NCKAP5: variants seen among roughly 807,000 people sequenced by gnomAD.
NCKAP5 encodes the protein nck-associated protein 5.
Under a neutral mutation model 167.0 loss-of-function variants are expected in NCKAP5, and 92 were observed. The ratio of observed to expected loss-of-function variants is 0.55; its 90% CI spans 0.47 to 0.66. NCKAP5 has a LOEUF of 0.66. Among genes scored for constraint, NCKAP5 ranks in the 30% least tolerant of loss-of-function variants. NCKAP5 has a pLI of 0.00. For synonymous variants in NCKAP5, 891 were observed against 877.4 expected (o/e 1.02, Z -0.27); for missense variants, 2,378 against 2,315.0 (o/e 1.03, Z -0.56).
chr2:133,644,693 C>G, the NCKAP5 span, among the ~76,000 whole-genome samples: 1 of 152,202 alleles, frequency 6.6e-6, no homozygotes, highest in African/African-American at 2.4e-5. Flanking sequence ...GGATGCACAT[C>G]TAGTCCCCTT....
In NCKAP5 at chr2:133,005,546, C is replaced by A. The variant is rs914823568; in HGVS notation, c.342-11307G>T. ...AGGTCTTCAAAATAATAAAATTCCA[C>A]AAATACATGGAGCATTAGGTCTGCT... is the stretch of plus-strand genomic sequence containing the variant. On this transcript the variant is annotated intron_variant, in intron 6 of 19. Coordinates refer to ENST00000409261, the MANE Select transcript of NCKAP5 (RefSeq NM_207363.3). Among the ~76,000 whole-genome samples, 8 of 152,196 alleles carry A rather than the reference C, an allele frequency of 5.3e-5. 1 individual carries two copies. The South Asian group carries it at 1.2e-3, about 24-fold the overall frequency.
chr2:133,642,130 GAGAGAAACTGAGAA>G, the NCKAP5 span, among the ~76,000 whole-genome samples: 1 of 152,160 alleles, frequency 6.6e-6, no homozygotes, highest in South Asian at 2.1e-4. Flanking sequence ...GGACGCAAGA[GAGAGAAACTGAGAA>G]AGCCAGATTC....
chr2:132,710,227 A>T (rs571865028), intron 19 of NCKAP5, among the ~76,000 whole-genome samples: 11 of 152,346 alleles, frequency 7.2e-5, no homozygotes, highest in Admixed American at 7.2e-4. Flanking sequence ...CAACTTCCAC[A>T]ACCTGATTAA....
chr2:133,239,460 G>A (rs1260561763), intron 4 of NCKAP5, among the ~76,000 whole-genome samples: 1 of 152,246 alleles, frequency 6.6e-6, no homozygotes, highest in African/African-American at 2.4e-5. Context: ...GCAAATCAAG[G>A]AAACTCTATT....
chr2:133,333,573 A>C (rs968199036), intron 3 of NCKAP5, among the ~76,000 whole-genome samples: 1 of 152,294 alleles, frequency 6.6e-6, no homozygotes, highest in Non-Finnish European at 1.5e-5. Context: ...ACACTCTGTC[A>C]CCTTGTCAGC....
chr2:133,437,392 G>C (rs1367042395), intron 3 of NCKAP5, among the ~76,000 whole-genome samples: 1 of 151,958 alleles, frequency 6.6e-6, no homozygotes, highest in Non-Finnish European at 1.5e-5. Flanking sequence ...TATTTACCTG[G>C]GAAACTATCC....
At chr2:132,805,726 CATT>C (rs1685381049) in intron 11 of NCKAP5, among the ~76,000 whole-genome samples, 1 of 150,098 alleles carries the variant, frequency 6.7e-6, no homozygotes, top group Non-Finnish European at 1.5e-5. Context: ...TAAGTGTTTA[CATT>C]ATTATTATTT....
chr2:133,610,528 G>A, the NCKAP5 span, among the ~76,000 whole-genome samples: 20 of 152,150 alleles, frequency 1.3e-4, no homozygotes, highest in Admixed American at 6.5e-4. Context: ...CTAAGAAGGG[G>A]TGTTCCCTCC....
At chr2:133,400,378 T>G (rs1688020505) in intron 3 of NCKAP5, among the ~76,000 whole-genome samples, 1 of 152,040 alleles carries the variant, frequency 6.6e-6, no homozygotes, top group Non-Finnish European at 1.5e-5. Flanking sequence ...AGGATGTAAT[T>G]GTGTTAAGGA....
intron 6 of NCKAP5, among the ~76,000 whole-genome samples, chr2:133,030,478 C>T (rs1441284338): frequency 1.3e-5 from 2 of 152,216 alleles, no homozygotes; most frequent in African/African-American, 4.8e-5. Context: ...TAGATATCTC[C>T]ATATTTTTAA....
At chr2:132,683,999 G>A (rs949632391) in intron 19 of NCKAP5, among the ~76,000 whole-genome samples, 2 of 152,204 alleles carry the variant, frequency 1.3e-5, no homozygotes, top group African/African-American at 4.8e-5. Context: ...ATGCTATTTA[G>A]TCTCTCTCTG....
At chr2:133,229,422 A>T (rs867925509) in intron 4 of NCKAP5, among the ~76,000 whole-genome samples, 2 of 152,236 alleles carry the variant, frequency 1.3e-5, no homozygotes, top group Non-Finnish European at 2.9e-5. Context: ...TGAGATACCC[A>T]TCGTGCCCGA....
chr2:132,830,487 AG>A (rs1687445656), intron 11 of NCKAP5, among the ~76,000 whole-genome samples: 1 of 151,974 alleles, frequency 6.6e-6, no homozygotes, highest in Non-Finnish European at 1.5e-5. Context: ...CGAAGAACAA[AG>A]GGCTGAGGTG....
the NCKAP5 span, among the ~76,000 whole-genome samples, chr2:133,627,550 G>A: frequency 7.3e-3 from 1,109 of 152,260 alleles, 14 homozygotes; most frequent in African/African-American, 0.025. Context: ...CGAGGCAGGT[G>A]GATCACCTGA....
At chr2:133,512,487 G>A (rs1029197563) in intron 3 of NCKAP5, among the ~76,000 whole-genome samples, 2 of 152,094 alleles carry the variant, frequency 1.3e-5, no homozygotes, top group South Asian at 2.1e-4. Flanking sequence ...AAATAAAATA[G>A]CTACATTTGA....
At chr2:132,984,210 CCTGGGGAAAA>C (rs1239964482) in intron 7 of NCKAP5, among the ~76,000 whole-genome samples, 1 of 152,150 alleles carries the variant, frequency 6.6e-6, no homozygotes, top group African/African-American at 2.4e-5. Context: ...ATTTGCATCA[CCTGGGGAAAA>C]TGTTTAACCA....
At chr2:133,488,287 A>C (rs534581216) in intron 3 of NCKAP5, among the ~76,000 whole-genome samples, 2 of 152,294 alleles carry the variant, frequency 1.3e-5, no homozygotes, top group African/African-American at 4.8e-5. Context: ...CTTTGATGAA[A>C]AGCAAACAAA....
rs564247659 is a variant in NCKAP5, at chr2:133,028,591, T to C, written c.342-34352A>G. Reference sequence around the variant, plus strand: ...AAGGTAGGAGTACACTATTTATAAGTGAGAACCACAGTCCTCAAAAAGTAA... The same window carrying C: ...AAGGTAGGAGTACACTATTTATAAGCGAGAACCACAGTCCTCAAAAAGTAA... On this transcript the variant is annotated intron_variant, in intron 6 of 19. Transcript: ENST00000409261. Among the ~76,000 whole-genome samples the C allele has an allele frequency of 1.5e-4, 23 of 152,336 alleles. 1 individual carries two copies. In the South Asian group the frequency reaches 4.8e-3, roughly 32 times the overall value.
At chr2:133,620,316 C>T in the NCKAP5 span, among the ~76,000 whole-genome samples, 18 of 152,060 alleles carry the variant, frequency 1.2e-4, no homozygotes, top group South Asian at 2.1e-4. Context: ...AATTCACCAA[C>T]GAAGTTTCTG....
Sources: gnomAD v4.1 joint callset for allele counts (sites outside exome capture counted in the v4.1 genomes callset) on GRCh38, gnomAD v4.1.1 for gene constraint, MANE v1.5 for transcripts, NCBI Gene and HGNC (gene_info 2026-07-23, HGNC 2026-07-21) for gene names.